The following BID variants were observed in gnomAD, a reference collection of about 807,000 sequenced individuals.
The protein encoded by BID is BH3 interacting domain death agonist.
BID carries 19 observed loss-of-function variants against 17.4 expected under a neutral mutation model. That is an observed-to-expected ratio of 1.09 (90% CI 0.76 to 1.60). BID has a LOEUF of 1.60. BID is among the 40% of genes most tolerant of loss of function. The pLI, the probability that BID is intolerant of heterozygous loss-of-function variation, is 0.00. For synonymous variants in BID, 108 were observed against 102.8 expected (o/e 1.05, Z -0.31); for missense variants, 226 against 256.0 (o/e 0.88, Z 0.80).
At chr22:17,756,344 G>T (rs2061582844) in intron 1 of BID, among the ~76,000 whole-genome samples, 1 of 152,102 alleles carries the variant, frequency 6.6e-6, no homozygotes. Flanking sequence ...ACAAGGCACT[G>T]GTCGTTTTCC....
intron 1 of BID, among the ~76,000 whole-genome samples, chr22:17,770,895 C>G (rs192050248): frequency 3.4e-4 from 52 of 152,374 alleles, no homozygotes; most frequent in African/African-American, 1.2e-3. Context: ...AGGCAGGATG[C>G]TCTGCAGAAA....
chr22:17,763,583 C>T (rs542383074), intron 1 of BID, among the ~76,000 whole-genome samples: 38 of 152,134 alleles, frequency 2.5e-4, no homozygotes, highest in Non-Finnish European at 4.7e-4. Context: ...TTCCATTTTA[C>T]AGAGAACCGC....
intron 1 of BID, among the ~76,000 whole-genome samples, chr22:17,755,085 T>C (rs935678094): frequency 2.4e-4 from 4 of 16,976 alleles, no homozygotes; most frequent in African/African-American, 7.1e-4. Context: ...TTCTTTTCTT[T>C]TTTTTTTTTT....
intron 1 of BID, among the ~76,000 whole-genome samples, chr22:17,754,152 TG>T (rs1175086484): frequency 1.4e-5 from 2 of 143,724 alleles, no homozygotes; most frequent in Admixed American, 1.4e-4. Context: ...CTCTGCCGGA[TG>T]GGGGTGACAT....
intron 1 of BID, among the ~76,000 whole-genome samples, chr22:17,757,633 CG>C (rs1569048653): frequency 1.3e-5 from 2 of 148,598 alleles, no homozygotes; most frequent in Admixed American, 6.8e-5. Flanking sequence ...GGAGTGAACC[CG>C]GGAGGCGGAG....
chr22:17,738,309 C>T, intron 4 of BID, 80 bp from the exon 5 acceptor site: 1 of 1,330,300 alleles, frequency 7.5e-7, no homozygotes, highest in Non-Finnish European at 1.0e-6. Flanking sequence ...TATGAAGAAG[C>T]ACTTCAAAGT....
intron 1 of BID, among the ~76,000 whole-genome samples, chr22:17,771,843 G>A (rs901507902): frequency 6.6e-6 from 1 of 152,292 alleles, no homozygotes; most frequent in Admixed American, 6.5e-5. Context: ...CCCCTGCCCC[G>A]GAAGCTTCCC....
chr22:17,740,209 T>C (rs1361349039), intron 3 of BID: 3 of 1,590,800 alleles, frequency 1.9e-6, no homozygotes, highest in South Asian at 2.3e-5. Flanking sequence ...AGGGCTGTGA[T>C]TTTTTTAATC....
chr22:17,740,493 G>A (rs956252198), intron 3 of BID: 18 of 259,944 alleles, frequency 6.9e-5, no homozygotes, highest in Non-Finnish European at 1.2e-4. Flanking sequence ...GCAGTGGCGC[G>A]ATCTCGGCTC....
chr22:17,737,941 C>A, intron 5 of BID, 76 bp downstream of exon 5: 2 of 1,529,050 alleles, frequency 1.3e-6, no homozygotes, highest in Non-Finnish European at 1.8e-6. Flanking sequence ...GCAGGGGCCC[C>A]GCTGGGCTTC....
intron 1 of BID, among the ~76,000 whole-genome samples, chr22:17,771,347 A>G (rs1409282218): frequency 7.2e-5 from 11 of 151,978 alleles, no homozygotes; most frequent in African/African-American, 1.5e-4. Flanking sequence ...GATCCGCCCA[A>G]CTCGGCCTCC....
intron 2 of BID, among the ~76,000 whole-genome samples, chr22:17,745,270 C>T (rs948684170): frequency 6.6e-6 from 1 of 152,038 alleles, no homozygotes; most frequent in African/African-American, 2.4e-5. Context: ...AGGCTGGTCT[C>T]GAACTCCTGA....
chr22:17,736,865 G>A (rs1056349533), intron 5 of BID, among the ~76,000 whole-genome samples: 7 of 151,678 alleles, frequency 4.6e-5, no homozygotes, highest in East Asian at 3.9e-4. Flanking sequence ...GTGCAGTGGC[G>A]TGATTGCGGC....
In BID at chr22:17,739,753, G is replaced by A. The variant is rs907077976; in HGVS notation, c.224-265C>T. The A allele has an allele frequency of 4.9e-5, 28 of 577,228 alleles. No individual in the cohort carries two copies. The East Asian group carries it at 6.1e-4, about 13-fold the overall frequency. The allele number at this position is 577,228 out of a possible 1,614,324, so 35.8% of individuals were successfully genotyped here. On this transcript the variant is annotated intron_variant, in intron 3 of 5. Coordinates refer to ENST00000622694, the MANE Select transcript of BID (RefSeq NM_001196.4). ...GCACCACGTCCCCACAGGCAGGGCC[G>A]GTGAAGCTGGGGCATCACGACCACG...
At chr22:17,759,860 C>T (rs1251705659) in intron 1 of BID, among the ~76,000 whole-genome samples, 1 of 151,792 alleles carries the variant, frequency 6.6e-6, no homozygotes, top group Non-Finnish European at 1.5e-5. Context: ...AAAAATGTTT[C>T]GGCCGGGCGA....
In BID at chr22:17,769,697, T is replaced by G. The variant is rs1002449295; in HGVS notation, c.-59+4684A>C. Reference sequence around the variant, plus strand: ...TTCCGCAGCCAGGACGGTGCCTTACTGACTCCACACACAGAGGCAGCTGGG... The same window carrying G: ...TTCCGCAGCCAGGACGGTGCCTTACGGACTCCACACACAGAGGCAGCTGGG... On this transcript the variant is annotated intron_variant, in intron 1 of 5. Coordinates refer to ENST00000622694, the MANE Select transcript of BID (RefSeq NM_001196.4). This position sits in a 1 kb window ranked among gnomAD's most constrained non-coding sequence, Gnocchi z 4.8. 6.6e-6 allele frequency among the ~76,000 whole-genome samples: 1 copy of G among 152,194 alleles called. No individual in the cohort carries two copies. Among genetic ancestry groups the G allele is most frequent in the East Asian group, 1.9e-4 (1 of 5,188 alleles).
chr22:17,761,062 T>C (rs1265381185), intron 1 of BID, among the ~76,000 whole-genome samples: 1 of 152,182 alleles, frequency 6.6e-6, no homozygotes, highest in Non-Finnish European at 1.5e-5. Flanking sequence ...TGACAACCAC[T>C]CTTCCCGTGC....
At chr22:17,771,769 G>A (rs1213446809) in intron 1 of BID, among the ~76,000 whole-genome samples, 2 of 145,394 alleles carry the variant, frequency 1.4e-5, no homozygotes, top group South Asian at 4.1e-4. Context: ...GTTGGGGCTG[G>A]ATGGGGCTGT....
At chr22:17,744,617 G>T (rs1265355948) in intron 2 of BID, among the ~76,000 whole-genome samples, 6 of 152,226 alleles carry the variant, frequency 3.9e-5, no homozygotes, top group Non-Finnish European at 8.8e-5. Flanking sequence ...GAATCCCACA[G>T]GGAGTGGTGG....
Sources: gnomAD v4.1 joint callset for allele counts (sites outside exome capture counted in the v4.1 genomes callset) on GRCh38, gnomAD v4.1.1 for gene constraint, Gnocchi (gnomAD v3.1) non-coding constraint, MANE v1.5 for transcripts, NCBI Gene and HGNC (gene_info 2026-07-23, HGNC 2026-07-21) for gene names.